Variants in TRPM3 observed in about 807,000 individuals in gnomAD.
TRPM3 encodes the protein long transient receptor potential channel 3.
In TRPM3, 77 loss-of-function variants were observed where a neutral mutation model predicts 181.2. The ratio of observed to expected loss-of-function variants is 0.42; its 90% CI spans 0.35 to 0.51. The LOEUF (loss-of-function observed/expected upper bound fraction) is 0.51. Among genes scored for constraint, TRPM3 ranks in the 20% least tolerant of loss-of-function variants. TRPM3 has a pLI of 0.01. For synonymous variants in TRPM3, 745 were observed against 796.4 expected (o/e 0.94, Z 1.09); for missense variants, 1,759 against 2,196.7 (o/e 0.80, Z 3.98).
intron 1 of TRPM3, among the ~76,000 whole-genome samples, chr9:70,938,777 C>A (rs1222841585): frequency 6.6e-6 from 1 of 151,690 alleles, no homozygotes; most frequent in Admixed American, 6.6e-5. Context: ...ACAGCGAAAC[C>A]CCGTCTCCAC....
intron 1 of TRPM3, among the ~76,000 whole-genome samples, chr9:70,870,321 G>C (rs2095761056): frequency 6.6e-6 from 1 of 151,992 alleles, no homozygotes; most frequent in Admixed American, 6.6e-5. Flanking sequence ...TTTCCCCAGA[G>C]AAAGAAACAA....
In TRPM3 at chr9:70,635,194, G is replaced by T; in HGVS notation, c.1632+17C>A. The T allele has an allele frequency of 6.2e-7, 1 of 1,613,272 alleles. No individual in the cohort carries two copies. Among genetic ancestry groups the T allele is most frequent in the Non-Finnish European group, 8.5e-7 (1 of 1,179,336 alleles). ...GTCAAGACAGGGCCTCCGACCTGCA[G>T]TCGAGAGGGTTCTTACCTTTTTGAC... On this transcript the variant is annotated intron_variant, in intron 12 of 25. Coordinates refer to ENST00000677713, the MANE Select transcript of TRPM3 (RefSeq NM_001366145.2).
intron 8 of TRPM3, among the ~76,000 whole-genome samples, chr9:70,755,642 C>T (rs534761192): frequency 3.3e-4 from 50 of 152,216 alleles, no homozygotes; most frequent in Non-Finnish European, 6.2e-4. Flanking sequence ...GCTGGGATTA[C>T]AGGTGTGAGC....
intron 1 of TRPM3, among the ~76,000 whole-genome samples, chr9:71,285,379 T>G (rs1220989961): frequency 6.6e-6 from 1 of 152,232 alleles, no homozygotes; most frequent in Non-Finnish European, 1.5e-5. Context: ...CTCTTTTTCT[T>G]CCTATTCTTT....
At chr9:70,955,164 C>T (rs575757697) in intron 1 of TRPM3, among the ~76,000 whole-genome samples, 17 of 152,102 alleles carry the variant, frequency 1.1e-4, no homozygotes, top group Admixed American at 2.6e-4. Context: ...CTTTTATGCT[C>T]GAGGTTCTTT....
chr9:70,915,730 C>T (rs935936062), intron 1 of TRPM3, among the ~76,000 whole-genome samples: 4 of 151,176 alleles, frequency 2.6e-5, no homozygotes, highest in African/African-American at 7.3e-5. Flanking sequence ...AGCAAGCCTA[C>T]AAGATCTAGA....
At chr9:70,671,947 T>TTTTTA (rs1563931888) in intron 9 of TRPM3, among the ~76,000 whole-genome samples, 1 of 151,532 alleles carries the variant, frequency 6.6e-6, no homozygotes, top group Non-Finnish European at 1.5e-5. Flanking sequence ...TTTTTTTTTT[T>TTTTTA]TAAGTAGAGA....
chr9:70,829,362 A>T (rs142796334), intron 5 of TRPM3, among the ~76,000 whole-genome samples: 1 of 152,296 alleles, frequency 6.6e-6, no homozygotes, highest in African/African-American at 2.4e-5. Flanking sequence ...TGTCTGGCAG[A>T]TAAAATGTAC....
intron 1 of TRPM3, among the ~76,000 whole-genome samples, chr9:70,969,756 T>TTATATTTATATATA (rs924887097): frequency 1.7e-4 from 21 of 126,590 alleles, no homozygotes; most frequent in African/African-American, 5.3e-4. Flanking sequence ...CTGAATGATT[T>TTATATTTATATATA]TATATATATA....
chr9:71,098,459 T>C (rs1209800888), intron 1 of TRPM3, among the ~76,000 whole-genome samples: 1 of 152,144 alleles, frequency 6.6e-6, no homozygotes, highest in African/African-American at 2.4e-5. Flanking sequence ...CATAACTACT[T>C]TCACACACTA....
intron 1 of TRPM3, among the ~76,000 whole-genome samples, chr9:71,199,405 A>G (rs887604633): frequency 4.5e-4 from 69 of 152,148 alleles, no homozygotes; most frequent in African/African-American, 1.5e-3. Context: ...GTTAGGGAGG[A>G]TTTCCTCTTT....
At chr9:71,308,361 C>T (rs938005145) in intron 1 of TRPM3, among the ~76,000 whole-genome samples, 39 of 152,036 alleles carry the variant, frequency 2.6e-4, no homozygotes, top group African/African-American at 8.5e-4. Flanking sequence ...ATGTTGTCAG[C>T]ATGAATTCAG....
intron 1 of TRPM3, among the ~76,000 whole-genome samples, chr9:71,331,835 AGGGAGGAGGAGGAAGAAG>A: frequency 1.1e-5 from 1 of 90,754 alleles, no homozygotes. Context: ...GGAAGAGGAG[AGGGAGGAGGAGGAAGAAG>A]AGGAGACGGA....
At chr9:70,809,114 A>G (rs1009086556) in intron 6 of TRPM3, among the ~76,000 whole-genome samples, 8 of 152,214 alleles carry the variant, frequency 5.3e-5, no homozygotes, top group African/African-American at 1.9e-4. Flanking sequence ...TAAAGACAGA[A>G]AAAAGCTCAT....
intron 1 of TRPM3, among the ~76,000 whole-genome samples, chr9:71,195,552 T>C (rs981002410): frequency 1.3e-5 from 2 of 152,056 alleles, no homozygotes; most frequent in Non-Finnish European, 2.9e-5. Flanking sequence ...AGAGTGGAGA[T>C]TCCTCAAAGA....
intron 18 of TRPM3, 113 bp from the exon 19 acceptor site, chr9:70,610,862 C>T: frequency 7.7e-7 from 1 of 1,300,930 alleles, no homozygotes; most frequent in Non-Finnish European, 1.1e-6. Context: ...GAACCCAAGG[C>T]CCCAGAGATT....
chr9:71,142,137 G>C (rs564190780), intron 1 of TRPM3, among the ~76,000 whole-genome samples: 49 of 152,258 alleles, frequency 3.2e-4, no homozygotes, highest in Non-Finnish European at 6.3e-4. Flanking sequence ...CAAGAGGGTA[G>C]AATTTATCTC....
At chr9:71,349,462 A>G (rs2091475491) in intron 1 of TRPM3, among the ~76,000 whole-genome samples, 2 of 152,186 alleles carry the variant, frequency 1.3e-5, no homozygotes, top group Admixed American at 1.3e-4. Flanking sequence ...GAAAACCAGC[A>G]AAGAGAAATT....
intron 1 of TRPM3, among the ~76,000 whole-genome samples, chr9:71,239,477 C>T (rs2081542308): frequency 6.6e-6 from 1 of 152,088 alleles, no homozygotes; most frequent in African/African-American, 2.4e-5. Flanking sequence ...CCAAGTAATA[C>T]ACACAATGAT....
Sources: gnomAD v4.1 joint callset for allele counts (sites outside exome capture counted in the v4.1 genomes callset) on GRCh38, gnomAD v4.1.1 for gene constraint, MANE v1.5 for transcripts, NCBI Gene and HGNC (gene_info 2026-07-23, HGNC 2026-07-21) for gene names.